The following NXPE2 variants were observed in gnomAD, a reference collection of about 807,000 sequenced individuals.
NXPE2 encodes neurexophilin and PC-esterase domain family member 2, also known as NXPE family member 2.
NXPE2 carries 34 observed loss-of-function variants against 34.4 expected under a neutral mutation model. That is an observed-to-expected ratio of 0.99 (90% CI 0.75 to 1.31). NXPE2 has a LOEUF of 1.31. NXPE2 is among the 40% of genes most tolerant of loss of function. The pLI, the probability that NXPE2 is intolerant of heterozygous loss-of-function variation, is 0.00. For synonymous variants in NXPE2, 235 were observed against 231.3 expected (o/e 1.02, Z -0.15); for missense variants, 649 against 672.5 (o/e 0.97, Z 0.39).
the NXPE2 span, among the ~76,000 whole-genome samples, chr11:114,626,514 C>A: frequency 2.0e-5 from 3 of 152,122 alleles, no homozygotes; most frequent in Non-Finnish European, 4.4e-5. Context: ...CACCAAAAAC[C>A]CATCTGTACA....
chr11:114,668,887 C>A, the NXPE2 span, among the ~76,000 whole-genome samples: 3 of 151,968 alleles, frequency 2.0e-5, no homozygotes, highest in African/African-American at 7.3e-5. Flanking sequence ...CAAAGGTATA[C>A]AATAAATCAA....
the NXPE2 span, among the ~76,000 whole-genome samples, chr11:114,772,704 GA>G: frequency 6.6e-6 from 1 of 152,100 alleles, no homozygotes; most frequent in Non-Finnish European, 1.5e-5. Context: ...TCCTTTGGAA[GA>G]AGTACCCCTA....
At chr11:114,715,553 TA>T in the NXPE2 span, among the ~76,000 whole-genome samples, 3 of 152,166 alleles carry the variant, frequency 2.0e-5, no homozygotes, top group South Asian at 2.1e-4. Flanking sequence ...AAACCCATAG[TA>T]ATGTAAAATA....
chr11:114,751,456 T>C, the NXPE2 span, among the ~76,000 whole-genome samples: 1 of 152,290 alleles, frequency 6.6e-6, no homozygotes, highest in South Asian at 2.1e-4. Flanking sequence ...CACAGATATA[T>C]TAGTTCAGTG....
chr11:114,610,615 G>A, the NXPE2 span, among the ~76,000 whole-genome samples: 5 of 150,594 alleles, frequency 3.3e-5, no homozygotes, highest in East Asian at 2.0e-4. Context: ...ACTGTTACCC[G>A]GTGGATAATA....
chr11:114,562,790 T>C, the NXPE2 span, among the ~76,000 whole-genome samples: 1 of 152,174 alleles, frequency 6.6e-6, no homozygotes, highest in Non-Finnish European at 1.5e-5. Context: ...GCTCGATCTG[T>C]GGTTCAAACA....
the NXPE2 span, among the ~76,000 whole-genome samples, chr11:114,480,566 T>C: frequency 6.6e-6 from 1 of 152,184 alleles, no homozygotes; most frequent in Non-Finnish European, 1.5e-5. Context: ...CTGATGACAC[T>C]GTGTGAGAGG....
chr11:114,752,520 A>G, the NXPE2 span, among the ~76,000 whole-genome samples: 2 of 152,226 alleles, frequency 1.3e-5, no homozygotes, highest in African/African-American at 2.4e-5. Context: ...TTGAGCAAAT[A>G]TAAATAGTCC....
At chr11:114,555,646 T>C in the NXPE2 span, among the ~76,000 whole-genome samples, 3 of 152,322 alleles carry the variant, frequency 2.0e-5, no homozygotes, top group Admixed American at 2.0e-4. Flanking sequence ...TCCTTGTCAA[T>C]TTTGTCCTCC....
chr11:114,706,051 T>C (rs567230634), intron 5 of NXPE2, 55 bp downstream of exon 5: 1 of 698,276 alleles, frequency 1.4e-6, no homozygotes, highest in South Asian at 7.2e-5. Flanking sequence ...GGTTTTGAAA[T>C]AATAATTAGA....
chr11:114,509,108 T>G, the NXPE2 span, among the ~76,000 whole-genome samples: 2 of 152,160 alleles, frequency 1.3e-5, no homozygotes, highest in Non-Finnish European at 2.9e-5. Flanking sequence ...GAAGAGACAC[T>G]TTTCAAAAGA....
At chr11:114,617,081 G>A in the NXPE2 span, among the ~76,000 whole-genome samples, 2 of 151,856 alleles carry the variant, frequency 1.3e-5, no homozygotes, top group Admixed American at 6.6e-5. Flanking sequence ...GGTAACAACT[G>A]TTAATGCATG....
chr11:114,635,924 C>A, the NXPE2 span, among the ~76,000 whole-genome samples: 1 of 151,952 alleles, frequency 6.6e-6, no homozygotes, highest in Non-Finnish European at 1.5e-5. Flanking sequence ...GTCTAAAATT[C>A]TCTTTTTTGG....
the NXPE2 span, among the ~76,000 whole-genome samples, chr11:114,749,006 C>A: frequency 1.3e-5 from 2 of 152,150 alleles, no homozygotes; most frequent in African/African-American, 2.4e-5. Flanking sequence ...GTTTGACATA[C>A]CTTTATCATT....
chr11:114,725,976 A>ATATATATATATATATATATAT, the NXPE2 span, among the ~76,000 whole-genome samples: 268 of 101,492 alleles, frequency 2.6e-3, 10 homozygotes, highest in Non-Finnish European at 4.5e-3. Context: ...ATAAAAAAAA[A>ATATATATATATATATATATAT]ATATATATAT....
chr11:114,803,317 CATTTTAT>C, the NXPE2 span, among the ~76,000 whole-genome samples: 3 of 152,218 alleles, frequency 2.0e-5, no homozygotes, highest in Non-Finnish European at 4.4e-5. Context: ...GTGGATAGCA[CATTTTAT>C]AATAGTGACA....
At chr11:114,757,137 T>C in the NXPE2 span, among the ~76,000 whole-genome samples, 16 of 152,102 alleles carry the variant, frequency 1.1e-4, no homozygotes, top group African/African-American at 3.9e-4. Flanking sequence ...TATAAATCAA[T>C]TTTCTATTCT....
At chr11:114,479,264 A>G in the NXPE2 span, among the ~76,000 whole-genome samples, 1 of 152,126 alleles carries the variant, frequency 6.6e-6, no homozygotes, top group Non-Finnish European at 1.5e-5. Context: ...AAAGCCAGAG[A>G]TTGGTATAAT....
chr11:114,587,599 T>G, the NXPE2 span, among the ~76,000 whole-genome samples: 1 of 152,200 alleles, frequency 6.6e-6, no homozygotes, highest in African/African-American at 2.4e-5. Flanking sequence ...TTCATTGCTA[T>G]GGGTTATGCT....
Sources: allele counts gnomAD v4.1 joint callset (sites outside exome capture counted in the v4.1 genomes callset), GRCh38; gene constraint gnomAD v4.1.1; transcripts MANE v1.5; gene names NCBI Gene and HGNC (gene_info 2026-07-23, HGNC 2026-07-21).